The following AXIN1 variants were observed in gnomAD, a reference collection of about 807,000 sequenced individuals.
AXIN1 encodes axin-1.
AXIN1 carries 30 observed loss-of-function variants against 76.4 expected under a neutral mutation model. The ratio of observed to expected loss-of-function variants is 0.39; its 90% CI spans 0.29 to 0.53. AXIN1 has a LOEUF of 0.53. Ranked by LOEUF, AXIN1 falls within the 20% of genes least tolerant of loss-of-function variation. The pLI is 0.66. For synonymous variants in AXIN1, 545 were observed against 501.4 expected (o/e 1.09, Z -1.16); for missense variants, 1,140 against 1,198.8 (o/e 0.95, Z 0.72).
intron 10 of AXIN1, 115 bp from the exon 11 acceptor site, chr16:288,363 C>G: frequency 6.8e-7 from 1 of 1,466,038 alleles, no homozygotes; most frequent in Non-Finnish European, 9.4e-7. Context: ...TGTCCATGCC[C>G]CACGGCCCCC....
At chr16:319,081 G>A (rs1461660008) in intron 2 of AXIN1, among the ~76,000 whole-genome samples, 1 of 152,210 alleles carries the variant, frequency 6.6e-6, no homozygotes, top group Non-Finnish European at 1.5e-5. Flanking sequence ...TTCTGGAACA[G>A]GTGCCAGGAC....
chr16:336,551 G>A (rs936557289), intron 2 of AXIN1, among the ~76,000 whole-genome samples: 2 of 152,146 alleles, frequency 1.3e-5, no homozygotes, highest in East Asian at 1.9e-4. Flanking sequence ...GCTGGGCGCG[G>A]TGCCTCACAC....
At position 291,255 on chromosome 16, in the gene AXIN1, C is replaced by T. The variant is rs1378741407; in HGVS notation, c.2229G>A (p.Arg743=). The change falls in exon 9 of 11, where the codon AGG becomes AGA. Residue 743 remains arginine (R), a synonymous_variant. Coordinates refer to ENST00000262320, the MANE Select transcript of AXIN1 (RefSeq NM_003502.4). Reference sequence around the variant, plus strand: ...CGTGCAGCACCGGCGCGCACGCTGGCCTGACGCAGGCGCGTCCCCGCCGCA... The same window carrying T: ...CGTGCAGCACCGGCGCGCACGCTGGTCTGACGCAGGCGCGTCCCCGCCGCA... The part of the protein sequence containing the change: ...EVMRRGRACV[R]PACAPVLHVV... The T allele has an allele frequency of 4.4e-6, 7 of 1,586,348 alleles. No individual in the cohort carries two copies. The highest frequency in any genetic ancestry group is 6.0e-6 in the Non-Finnish European group (7 of 1,167,358).
chr16:317,131 CA>C (rs1241796438), intron 2 of AXIN1, among the ~76,000 whole-genome samples: 1 of 152,208 alleles, frequency 6.6e-6, no homozygotes, highest in Non-Finnish European at 1.5e-5. Context: ...GGGAAAGCCC[CA>C]GTTCTACTTA....
chr16:346,675 G>A lies in AXIN1; in HGVS notation c.351C>T (p.Phe117=), dbSNP rs2141705716. 6.4e-7 allele frequency: 1 copy of A among 1,569,346 alleles called. No homozygotes were observed. Among genetic ancestry groups the A allele is most frequent in the Non-Finnish European group, 8.6e-7 (1 of 1,158,456 alleles). The change falls in exon 2 of 11, where the codon TTC becomes TTT. Residue 117 remains phenylalanine (F), a synonymous_variant. Coordinates refer to ENST00000262320, the MANE Select transcript of AXIN1 (RefSeq NM_003502.4). ...KQEGCADLLD[F]WFACTGFRKL... ...TCCTGAAGCCAGTGCAGGCAAACCA[G>A]AAGTCCAGCAAGTCGGCACAGCCCT...
chr16:350,427 C>T (rs1321793727), intron 1 of AXIN1, among the ~76,000 whole-genome samples: 1 of 152,198 alleles, frequency 6.6e-6, no homozygotes, highest in African/African-American at 2.4e-5. Flanking sequence ...ATAAAACGGG[C>T]GGGATGCCTA....
chr16:341,283 A>C (rs1261298238), intron 2 of AXIN1, among the ~76,000 whole-genome samples: 1 of 152,236 alleles, frequency 6.6e-6, no homozygotes, highest in Non-Finnish European at 1.5e-5. Context: ...CGCGAGCGGG[A>C]ACCGCGGCTG....
intron 2 of AXIN1, among the ~76,000 whole-genome samples, chr16:343,589 G>A (rs2053971464): frequency 6.6e-6 from 1 of 150,910 alleles, no homozygotes; most frequent in Non-Finnish European, 1.5e-5. Flanking sequence ...TGTAATCCCA[G>A]CTACTCGGGA....
intron 9 of AXIN1, chr16:289,947 G>A (rs1049294107): frequency 8.4e-5 from 38 of 450,244 alleles, no homozygotes; most frequent in South Asian, 2.8e-4. Flanking sequence ...GAAGACCTAC[G>A]GCCCCCAAAC....
chr16:322,752 G>A (rs1297076977), intron 2 of AXIN1, among the ~76,000 whole-genome samples: 1 of 152,194 alleles, frequency 6.6e-6, no homozygotes, highest in Non-Finnish European at 1.5e-5. Flanking sequence ...TGGAGCTGTG[G>A]GCGGTGGACG....
At chr16:343,792 G>A (rs764881237) in intron 2 of AXIN1, among the ~76,000 whole-genome samples, 2 of 151,632 alleles carry the variant, frequency 1.3e-5, no homozygotes, top group African/African-American at 4.9e-5. Context: ...GATCACTGGA[G>A]TCCAGGAGCT....
chr16:345,121 C>G (rs1485105618), intron 2 of AXIN1, among the ~76,000 whole-genome samples: 2 of 152,110 alleles, frequency 1.3e-5, no homozygotes, highest in Non-Finnish European at 2.9e-5. Flanking sequence ...CCTCCAGGAA[C>G]CACGCAGGGA....
At chr16:312,878 A>C (rs959008039) in intron 3 of AXIN1, among the ~76,000 whole-genome samples, 1 of 152,252 alleles carries the variant, frequency 6.6e-6, no homozygotes, top group African/African-American at 2.4e-5. Context: ...AAAAATGTTT[A>C]AAGACAGGCA....
At chr16:311,909 T>C (rs968989987) in intron 3 of AXIN1, among the ~76,000 whole-genome samples, 12 of 152,308 alleles carry the variant, frequency 7.9e-5, no homozygotes, top group Admixed American at 2.0e-4. Flanking sequence ...CAGGGCTGCG[T>C]GGCAGACACG....
At chr16:305,752 G>A (rs1305153617) in intron 4 of AXIN1, among the ~76,000 whole-genome samples, 1 of 152,052 alleles carries the variant, frequency 6.6e-6, no homozygotes, top group Admixed American at 6.6e-5. Flanking sequence ...CACCGTGTTA[G>A]CCAGGATGGT....
chr16:325,010 G>A (rs922897944), intron 2 of AXIN1, among the ~76,000 whole-genome samples: 2 of 152,172 alleles, frequency 1.3e-5, no homozygotes, highest in African/African-American at 4.8e-5. Flanking sequence ...CAGCGGACCC[G>A]CACAGAACCA....
chr16:337,149 CAAAAAAA>C (rs398028563), intron 2 of AXIN1, among the ~76,000 whole-genome samples: 120 of 30,582 alleles, frequency 3.9e-3, no homozygotes, highest in African/African-American at 0.01. Context: ...GACCCCGTCT[CAAAAAAA>C]AAAAAAAAAA....
chr16:321,209 G>A (rs1157392423), intron 2 of AXIN1, among the ~76,000 whole-genome samples: 1 of 132,394 alleles, frequency 7.6e-6, no homozygotes, highest in Non-Finnish European at 1.6e-5. Context: ...GCTGCTCTCT[G>A]TGCCTTCCAT....
intron 2 of AXIN1, among the ~76,000 whole-genome samples, chr16:324,280 G>A (rs1258402695): frequency 6.7e-6 from 1 of 148,798 alleles, no homozygotes; most frequent in South Asian, 2.1e-4. Flanking sequence ...TGGCATGGGG[G>A]CTACATTTGC....
Sources: allele counts gnomAD v4.1 joint callset (sites outside exome capture counted in the v4.1 genomes callset), GRCh38; gene constraint gnomAD v4.1.1; transcripts MANE v1.5; gene names NCBI Gene and HGNC (gene_info 2026-07-23, HGNC 2026-07-21).